Variants in DSG2 observed in about 807,000 individuals in gnomAD.
DSG2 encodes the protein desmoglein 2, also known as desmoglein-2.
A neutral mutation model predicts 75.6 loss-of-function variants in DSG2; 45 were observed. The observed-to-expected ratio is 0.60, with a 90% CI of 0.47 to 0.76. The LOEUF (loss-of-function observed/expected upper bound fraction) is 0.76. Ranked by LOEUF, DSG2 falls within the 30% of genes least tolerant of loss-of-function variation. DSG2 has a pLI of 0.00. For missense variants in DSG2, 1,267 were observed against 1,357.4 expected, an observed-to-expected ratio of 0.93 and a Z score of 1.05; for synonymous variants, 429 against 483.9, an observed-to-expected ratio of 0.89 and a Z score of 1.49.
Position 31,498,265 on chromosome 18 carries a change from C to T in DSG2, c.14C>T (p.Pro5Leu), listed in dbSNP as rs530517936. 9 of 1,262,398 alleles carry T rather than the reference C, an allele frequency of 7.1e-6. No individual in the cohort carries two copies. In the South Asian group the frequency reaches 3.1e-4, roughly 43 times the overall value. The allele number at this position is 1,262,398 out of a possible 1,614,324, so 78.2% of individuals were successfully genotyped here. The stretch of plus-strand genomic sequence containing the variant: ...GGCGAGGGTGCGATGGCGCGGAGCC[C>T]GGGACGCGCGTACGCCCTGCTGCTT... MARS[P>L]GRAYALLLLL... Residue 5 changes from proline (P) to leucine (L), a missense_variant, in exon 1 of 15, where the codon CCG becomes CTG. By Grantham distance (98) the Pro-to-Leu change is moderately conservative. Coordinates refer to ENST00000261590, the MANE Select transcript of DSG2 (RefSeq NM_001943.5).
intron 12 of DSG2, among the ~76,000 whole-genome samples, chr18:31,539,458 C>T (rs1040997485): frequency 2.6e-5 from 4 of 152,218 alleles, no homozygotes; most frequent in East Asian, 1.9e-4. Flanking sequence ...TGATATTCCC[C>T]GCTTGCCTTG....
Position 31,521,156 on chromosome 18 carries a change from C to T in DSG2, c.436C>T (p.Arg146Cys), listed in dbSNP as rs369078344. 4 of 1,613,364 alleles carry T rather than the reference C, an allele frequency of 2.5e-6. No homozygotes were observed. The highest frequency in any genetic ancestry group is 2.2e-5 in the East Asian group (1 of 44,844). The change falls in exon 5 of 15, where the codon CGC (arginine) becomes TGC (cysteine). Residue 146 changes from arginine (R) to cysteine (C), a missense_variant. Coordinates refer to ENST00000261590, the MANE Select transcript of DSG2 (RefSeq NM_001943.5). ...GNNVEKPLELRIKVLDINDNE... is the reference protein window; with the variant it reads ...GNNVEKPLELCIKVLDINDNE... ...CAATGTAGAGAAACCCTTAGAGCTA[C>T]GCATTAAGGTTCTTGATATCAATGA...
rs1376214217 is a variant in DSG2, at chr18:31,547,340, A to G, written c.*597A>G. 3.8e-5 allele frequency: 7 copies of G among 183,818 alleles called. No homozygotes were observed. Among genetic ancestry groups the G allele is most frequent in the Non-Finnish European group, 6.8e-5 (6 of 88,134 alleles). The allele number at this position is 183,818 out of a possible 1,614,324, so 11.4% of individuals were successfully genotyped here. A position where few individuals can be genotyped will look rare whatever the true frequency, so the allele number is the denominator to read the frequency against. On this transcript the variant is annotated 3_prime_UTR_variant, in exon 15 of 15. Transcript: ENST00000261590. ...CACATTGTATGTTTCTGTGCACATG[A>G]CAGTGTGTGTGTGTGCACGTACATA...
chr18:31,536,078 T>C, intron 10 of DSG2, 124 bp from the exon 11 acceptor site: 1 of 856,908 alleles, frequency 1.2e-6, no homozygotes, highest in Non-Finnish European at 1.9e-6. Context: ...GAAACATATC[T>C]AGGATAGAAA....
At chr18:31,510,816 G>C (rs2073062540) in intron 1 of DSG2, among the ~76,000 whole-genome samples, 1 of 152,180 alleles carries the variant, frequency 6.6e-6, no homozygotes, top group Admixed American at 6.5e-5. Context: ...TTCCTCGTCA[G>C]TCTTAAAGTC....
Position 31,535,532 on chromosome 18 carries a change from A to G in DSG2, c.1423+120A>G, listed in dbSNP as rs2073224711. 1.2e-5 allele frequency: 11 copies of G among 880,846 alleles called. No individual in the cohort carries two copies. The South Asian group carries it at 1.8e-4, about 14-fold the overall frequency. The allele number at this position is 880,846 out of a possible 1,614,324, so 54.6% of individuals were successfully genotyped here. On this transcript the variant is annotated intron_variant, in intron 10 of 14. Coordinates refer to ENST00000261590, the MANE Select transcript of DSG2 (RefSeq NM_001943.5). ...TAATCTCGGCCGGGAGCAGTGGCTC[A>G]TGCCTGTAATCCCAGCACTTTGGGA...
Position 31,546,745 on chromosome 18 carries a change from C to G in DSG2, c.*2C>G. On this transcript the variant is annotated 3_prime_UTR_variant, in exon 15 of 15. Transcript: ENST00000261590. Reference sequence around the variant, plus strand: ...ACTGTACAGCATTCTTACTCCTAAACAGCAGTCAGCCACAAACTGACCCAG... The same window carrying G: ...ACTGTACAGCATTCTTACTCCTAAAGAGCAGTCAGCCACAAACTGACCCAG... The G allele has an allele frequency of 6.2e-7, 1 of 1,613,788 alleles. No homozygotes were observed. The highest frequency in any genetic ancestry group is 1.1e-5 in the South Asian group (1 of 91,076).
chr18:31,530,054 A>G (rs1208733242), intron 8 of DSG2, among the ~76,000 whole-genome samples: 1 of 152,190 alleles, frequency 6.6e-6, no homozygotes, highest in Non-Finnish European at 1.5e-5. Flanking sequence ...TTCAAATGGA[A>G]ATTGTGCTAT....
Position 31,548,931 on chromosome 18 carries a change from G to T in DSG2, c.*2188G>T, listed in dbSNP as rs2073334162. 1.3e-5 allele frequency: 2 copies of T among 152,180 alleles called. No homozygotes were observed. The highest frequency in any genetic ancestry group is 4.1e-4 in the South Asian group (2 of 4,828). 9.4% of individuals were successfully genotyped at this position (152,180 alleles called of 1,614,324 possible). A position where few individuals can be genotyped will look rare whatever the true frequency, so the allele number is the denominator to read the frequency against. On this transcript the variant is annotated 3_prime_UTR_variant, in exon 15 of 15. Coordinates refer to ENST00000261590, the MANE Select transcript of DSG2 (RefSeq NM_001943.5). Reference sequence around the variant, plus strand: ...AGTTTGTTAGGGAGAGTGCCTTAAAGGCAGGTGTTTCTTGGACTTTGTTAT... The same window carrying T: ...AGTTTGTTAGGGAGAGTGCCTTAAATGCAGGTGTTTCTTGGACTTTGTTAT...
intron 1 of DSG2, among the ~76,000 whole-genome samples, chr18:31,517,707 A>C (rs991843459): frequency 1.3e-5 from 2 of 152,202 alleles, no homozygotes; most frequent in Non-Finnish European, 2.9e-5. Context: ...CAAGTGTGAC[A>C]GTGCCTATGA....
rs886053738 is a variant in DSG2, at chr18:31,548,777, C to T, written c.*2034C>T. ...GAAAAAGTGATTTGTATTAGTTTTACATTTGTTTTTTGGAAGATTATATTT... is the reference window on the plus strand; with the variant it reads ...GAAAAAGTGATTTGTATTAGTTTTATATTTGTTTTTTGGAAGATTATATTT... On this transcript the variant is annotated 3_prime_UTR_variant, in exon 15 of 15. Coordinates refer to ENST00000261590, the MANE Select transcript of DSG2 (RefSeq NM_001943.5). The T allele has an allele frequency of 3.4e-4, 51 of 152,098 alleles. 1 individual carries two copies. Among genetic ancestry groups the T allele is most frequent in the Admixed American group, 3.2e-3 (49 of 15,284 alleles). 9.4% of individuals were successfully genotyped at this position (152,098 alleles called of 1,614,324 possible).
At chr18:31,525,004 C>A in intron 8 of DSG2, 116 bp downstream of exon 8, 1 of 1,001,916 alleles carries the variant, frequency 1.0e-6, no homozygotes, top group Non-Finnish European at 1.5e-6. Flanking sequence ...ACTAGCACTA[C>A]AGTTGTTTGA....
intron 6 of DSG2, 72 bp from the exon 7 acceptor site, chr18:31,524,376 G>A: frequency 1.3e-6 from 2 of 1,595,940 alleles, no homozygotes; most frequent in Non-Finnish European, 1.7e-6. Context: ...GTGATAAACT[G>A]GACTAAAACC....
chr18:31,530,270 ACAGAGCTAC>A (rs1319723316), intron 8 of DSG2, among the ~76,000 whole-genome samples: 2 of 152,304 alleles, frequency 1.3e-5, no homozygotes, highest in African/African-American at 4.8e-5. Flanking sequence ...GACAGAGCTC[ACAGAGCTAC>A]CACTACTTAT....
intron 8 of DSG2, among the ~76,000 whole-genome samples, chr18:31,525,627 C>T (rs1032615962): frequency 2.0e-5 from 3 of 152,108 alleles, no homozygotes; most frequent in African/African-American, 7.2e-5. Context: ...AGAATCACCT[C>T]ATAAAACTGC....
In DSG2 at chr18:31,519,888, T is replaced by G. The variant is rs1423070785; in HGVS notation, c.167T>G (p.Val56Gly). The change falls in exon 3 of 15, where the codon GTG becomes GGG. Residue 56 changes from valine (V) to glycine (G), a missense_variant. Val to Gly is a moderately radical substitution (Grantham distance 109, BLOSUM62 -3). Transcript: ENST00000261590. Reference sequence around the variant, plus strand: ...AAGCGCGCCTGGATCACCGCCCCCGTGGCTCTTCGGGAGGGAGAGGATCTG... The same window carrying G: ...AAGCGCGCCTGGATCACCGCCCCCGGGGCTCTTCGGGAGGGAGAGGATCTG... Reference protein sequence around the residue: ...RQKRAWITAPVALREGEDLSK... With the variant: ...RQKRAWITAPGALREGEDLSK... 3.1e-6 allele frequency: 5 copies of G among 1,614,174 alleles called. No individual in the cohort carries two copies. The highest frequency in any genetic ancestry group is 4.2e-6 in the Non-Finnish European group (5 of 1,180,036).
At chr18:31,500,036 T>TA (rs10625787) in intron 1 of DSG2, among the ~76,000 whole-genome samples, 14,004 of 110,872 alleles carry the variant, frequency 0.13, 1,316 homozygotes, top group African/African-American at 0.27. Flanking sequence ...AGTTTTTTGG[T>TA]AAAAAAAAAA....
intron 1 of DSG2, among the ~76,000 whole-genome samples, chr18:31,509,432 C>CTTT (rs10629291): frequency 1.1e-4 from 16 of 151,184 alleles, no homozygotes; most frequent in Middle Eastern, 3.4e-3. Flanking sequence ...AAATATTGCT[C>CTTT]TTTTTTTTTA....
At chr18:31,516,885 A>G (rs1448128823) in intron 1 of DSG2, among the ~76,000 whole-genome samples, 1 of 152,204 alleles carries the variant, frequency 6.6e-6, no homozygotes, top group Admixed American at 6.5e-5. Context: ...CTCCGGTAGA[A>G]CTGTGTGCAG....
Sources: allele counts gnomAD v4.1 joint callset (sites outside exome capture counted in the v4.1 genomes callset), GRCh38; gene constraint gnomAD v4.1.1; transcripts MANE v1.5; gene names NCBI Gene and HGNC (gene_info 2026-07-23, HGNC 2026-07-21).